The following NEMP2 variants were observed in gnomAD, a reference collection of about 807,000 sequenced individuals.
NEMP2 encodes nuclear envelope integral membrane protein 2.
In NEMP2, 53 loss-of-function variants were observed where a neutral mutation model predicts 54.2. That is an observed-to-expected ratio of 0.98 (90% CI 0.78 to 1.23). NEMP2 has a LOEUF of 1.23. Among genes scored for constraint, NEMP2 ranks in the 50% most tolerant of loss-of-function variants. The probability of loss-of-function intolerance (pLI) is 0.00; values close to 1 mark genes in which losing one functional copy is unlikely to be tolerated. For missense variants in NEMP2, 455 were observed against 511.3 expected, an observed-to-expected ratio of 0.89 and a Z score of 1.06; for synonymous variants, 197 against 190.3, an observed-to-expected ratio of 1.04 and a Z score of -0.29.
At chr2:190,445,705 G>A in the NEMP2 span, among the ~76,000 whole-genome samples, 1 of 152,076 alleles carries the variant, frequency 6.6e-6, no homozygotes, top group African/African-American at 2.4e-5. Flanking sequence ...TGGTACCTTG[G>A]TTTAAAAATT....
the NEMP2 span, among the ~76,000 whole-genome samples, chr2:190,469,102 G>C: frequency 3.3e-5 from 5 of 152,066 alleles, no homozygotes; most frequent in Non-Finnish European, 7.4e-5. This position sits in a 1 kb window ranked among gnomAD's most constrained non-coding sequence, Gnocchi z 5.3. Context: ...GAATGCAAGA[G>C]GTTGGTGTAT....
chr2:190,642,209 T>G, the NEMP2 span, among the ~76,000 whole-genome samples: 248 of 152,288 alleles, frequency 1.6e-3, 1 homozygote, highest in South Asian at 0.014. The surrounding 1 kb of genome is among the most constrained non-coding windows in gnomAD (Gnocchi z 4.1). Flanking sequence ...CTCGGGTTTT[T>G]TTTTTGTTGT....
At chr2:190,601,671 C>G in the NEMP2 span, among the ~76,000 whole-genome samples, 1 of 152,120 alleles carries the variant, frequency 6.6e-6, no homozygotes, top group Admixed American at 6.6e-5. This position sits in a 1 kb window ranked among gnomAD's most constrained non-coding sequence, Gnocchi z 5.8. Context: ...TGATAAAAAC[C>G]TGTGGTCACT....
chr2:190,501,048 C>T (rs573672056), downstream of NEMP2: 40 of 152,310 alleles, frequency 2.6e-4, no homozygotes, highest in Admixed American at 5.9e-4. Context: ...AATAGCCTCT[C>T]TCGCTATTTA....
At chr2:190,499,750 A>G, downstream of NEMP2, 2 of 1,359,416 alleles carry the variant, frequency 1.5e-6, no homozygotes, top group South Asian at 1.3e-5. This position sits in a 1 kb window ranked among gnomAD's most constrained non-coding sequence, Gnocchi z 6.0. Context: ...CCAAGTACTA[A>G]CAGACATTTT....
rs1277981069 is a variant in NEMP2, at chr2:190,522,389, G to GT, written c.213+2873dup. Among the ~76,000 whole-genome samples, 10 of 151,322 alleles carry GT rather than the reference G, an allele frequency of 6.6e-5. No homozygotes were observed. The East Asian group carries it at 1.4e-3, about 21-fold the overall frequency. On this transcript the variant is annotated intron_variant, in intron 2 of 8. Coordinates refer to ENST00000409150, the MANE Select transcript of NEMP2 (RefSeq NM_001142645.2). This position sits in a 1 kb window ranked among gnomAD's most constrained non-coding sequence, Gnocchi z 5.0. ...ATCTAAAAAATTAAAAATTAAGAAG[G>GT]TTTTTTTTAAAAAAACAAAATCTCA... is the stretch of plus-strand genomic sequence containing the variant.
chr2:190,476,993 G>A, the NEMP2 span, among the ~76,000 whole-genome samples: 3 of 138,480 alleles, frequency 2.2e-5, no homozygotes, highest in Non-Finnish European at 4.5e-5. Flanking sequence ...TCATAGGTGG[G>A]AATTGAACAA....
At chr2:190,484,503 A>G in the NEMP2 span, among the ~76,000 whole-genome samples, 1 of 152,192 alleles carries the variant, frequency 6.6e-6, no homozygotes, top group African/African-American at 2.4e-5. Flanking sequence ...GACTTCCTAA[A>G]TCTTGTCTTA....
At chr2:190,466,569 G>T in the NEMP2 span, among the ~76,000 whole-genome samples, 1 of 152,082 alleles carries the variant, frequency 6.6e-6, no homozygotes, top group Non-Finnish European at 1.5e-5. Flanking sequence ...TTTTCCTTAA[G>T]ATGATGATGA....
the NEMP2 span, among the ~76,000 whole-genome samples, chr2:190,573,723 T>C: frequency 1.3e-5 from 2 of 152,252 alleles, no homozygotes; most frequent in Non-Finnish European, 2.9e-5. Flanking sequence ...CTGCAGGTTT[T>C]CTCAAGATTA....
At position 190,505,130 on chromosome 2, in the gene NEMP2, A is replaced by G. The variant is rs1160634681; in HGVS notation, c.*4059T>C. 2 of 152,240 alleles carry G rather than the reference A, an allele frequency of 1.3e-5. No individual in the cohort carries two copies. The highest frequency in any genetic ancestry group is 1.3e-4 in the Admixed American group (2 of 15,288). 9.4% of individuals were successfully genotyped at this position (152,240 alleles called of 1,614,324 possible). A position where few individuals can be genotyped will look rare whatever the true frequency, so the allele number is the denominator to read the frequency against. ...CGGGGCACAAATGACTGGTATGTGT[A>G]TAACATCAGCAGATGTAGTCACCTC... On this transcript the variant is annotated 3_prime_UTR_variant, in exon 9 of 9. Coordinates refer to ENST00000409150, the MANE Select transcript of NEMP2 (RefSeq NM_001142645.2). The surrounding 1 kb of genome is among the most constrained non-coding windows in gnomAD (Gnocchi z 5.8).
chr2:190,528,606 G>A lies in NEMP2; in HGVS notation c.98-3228C>T, dbSNP rs578022478. The stretch of plus-strand genomic sequence containing the variant: ...ACCACCCATGTGCTCAATGCTAGAT[G>A]GGCTTTTCTTGTGGGTGCCTCCAAA... On this transcript the variant is annotated intron_variant, in intron 1 of 8. Coordinates refer to ENST00000409150, the MANE Select transcript of NEMP2 (RefSeq NM_001142645.2). This position sits in a 1 kb window ranked among gnomAD's most constrained non-coding sequence, Gnocchi z 4.3. 6.6e-6 allele frequency among the ~76,000 whole-genome samples: 1 copy of A among 152,246 alleles called. No homozygotes were observed. Among genetic ancestry groups the A allele is most frequent in the African/African-American group, 2.4e-5 (1 of 41,550 alleles).
At chr2:190,612,747 C>A in the NEMP2 span, among the ~76,000 whole-genome samples, 8 of 152,080 alleles carry the variant, frequency 5.3e-5, no homozygotes, top group Non-Finnish European at 8.8e-5. Context: ...TACCAATAGA[C>A]TTTAAAACTC....
chr2:190,621,931 A>G, the NEMP2 span, among the ~76,000 whole-genome samples: 1 of 152,106 alleles, frequency 6.6e-6, no homozygotes, highest in Non-Finnish European at 1.5e-5. Context: ...CAACATGGTG[A>G]AACCCCGTCT....
At chr2:190,631,555 A>G in the NEMP2 span, among the ~76,000 whole-genome samples, 1 of 152,254 alleles carries the variant, frequency 6.6e-6, no homozygotes, top group South Asian at 2.1e-4. Context: ...AATTTAGAAT[A>G]AGACTTATAA....
rs781180640 is a variant in NEMP2, at chr2:190,509,282, G to GT, written c.1160dup (p.His387GlnfsTer5). ...GCAGACTGATTTCTTCAGGTGACAA[G>GT]TGGCTTCCTCCAAGAACAAAGTCTG... On this transcript the variant is annotated frameshift_variant, in exon 9 of 9. Coordinates refer to ENST00000409150, the MANE Select transcript of NEMP2 (RefSeq NM_001142645.2). LOFTEE classifies it high-confidence loss of function. The surrounding 1 kb of genome is among the most constrained non-coding windows in gnomAD (Gnocchi z 6.1). The GT allele has an allele frequency of 3.9e-6, 6 of 1,551,604 alleles. No individual in the cohort carries two copies. The African/African-American group carries it at 8.2e-5, about 21-fold the overall frequency.
At chr2:190,591,357 T>C in the NEMP2 span, among the ~76,000 whole-genome samples, 1 of 152,332 alleles carries the variant, frequency 6.6e-6, no homozygotes, top group South Asian at 2.1e-4. The surrounding 1 kb of genome is among the most constrained non-coding windows in gnomAD (Gnocchi z 5.4). Context: ...ATGAATATGT[T>C]CAAAGAATTT....
chr2:190,428,310 T>C, the NEMP2 span, among the ~76,000 whole-genome samples: 5 of 152,318 alleles, frequency 3.3e-5, no homozygotes, highest in African/African-American at 1.2e-4. Context: ...TGTTTATAGA[T>C]GTCTTTCGGT....
chr2:190,610,530 C>G, the NEMP2 span: 1 of 152,314 alleles, frequency 6.6e-6, no homozygotes, highest in South Asian at 2.1e-4. This position sits in a 1 kb window ranked among gnomAD's most constrained non-coding sequence, Gnocchi z 5.4. Context: ...TTTATTGGCT[C>G]CATAAGTCAA....
Sources: gnomAD v4.1 joint callset for allele counts (sites outside exome capture counted in the v4.1 genomes callset) on GRCh38, gnomAD v4.1.1 for gene constraint, Gnocchi (gnomAD v3.1) non-coding constraint, MANE v1.5 for transcripts, NCBI Gene and HGNC (gene_info 2026-07-23, HGNC 2026-07-21) for gene names.